The following ST18 variants were observed in gnomAD, a reference collection of about 807,000 sequenced individuals.
ST18 encodes ST18 C2H2C-type zinc finger transcription factor.
ST18 carries 50 observed loss-of-function variants against 110.0 expected under a neutral mutation model. That is an observed-to-expected ratio of 0.45 (90% CI 0.36 to 0.58). The LOEUF (loss-of-function observed/expected upper bound fraction) is 0.58. Among genes scored for constraint, ST18 ranks in the 20% least tolerant of loss-of-function variants. The pLI is 0.00. For missense variants in ST18, 1,306 were observed against 1,280.1 expected, an observed-to-expected ratio of 1.02 and a Z score of -0.31; for synonymous variants, 461 against 452.4, an observed-to-expected ratio of 1.02 and a Z score of -0.24.
At chr8:52,407,080 G>A (rs953813539) in intron 2 of ST18, 2 of 152,174 alleles carry the variant, frequency 1.3e-5, no homozygotes, top group Non-Finnish European at 2.9e-5. Context: ...AAGATATTTA[G>A]ATCCCCTAAA....
At chr8:52,196,953 G>A (rs928220833) in intron 8 of ST18, among the ~76,000 whole-genome samples, 1 of 152,194 alleles carries the variant, frequency 6.6e-6, no homozygotes, top group African/African-American at 2.4e-5. Context: ...CCAAGAAAAG[G>A]AGAAACAGTT....
chr8:52,165,606 G>A (rs919951626), intron 11 of ST18, among the ~76,000 whole-genome samples: 1 of 152,158 alleles, frequency 6.6e-6, no homozygotes, highest in East Asian at 1.9e-4. Flanking sequence ...GAAGTTCTGC[G>A]TATGGTCTTC....
chr8:52,113,954 GTTTTTTTTTTTTTTTTTTTTTTT>G (rs1158213340), intron 25 of ST18, among the ~76,000 whole-genome samples: 1 of 45,422 alleles, frequency 2.2e-5, no homozygotes, highest in African/African-American at 8.2e-5. Flanking sequence ...TTCATACCGT[GTTTTTTTTTTTTTTTTTTTTTTT>G]TTTTTTTTTG....
At chr8:52,126,540 A>C (rs1375033454) in intron 22 of ST18, among the ~76,000 whole-genome samples, 2 of 152,266 alleles carry the variant, frequency 1.3e-5, no homozygotes, top group Non-Finnish European at 2.9e-5. Flanking sequence ...TCCATGAGTA[A>C]TAAAGCAGAA....
At chr8:52,168,901 T>C (rs1587604041) in intron 10 of ST18, among the ~76,000 whole-genome samples, 1 of 151,824 alleles carries the variant, frequency 6.6e-6, no homozygotes, top group East Asian at 1.9e-4. Context: ...CATAGGAGAG[T>C]AAGTTAGAAA....
intron 2 of ST18, among the ~76,000 whole-genome samples, chr8:52,324,064 C>A (rs1264311944): frequency 6.6e-6 from 1 of 152,132 alleles, no homozygotes; most frequent in Non-Finnish European, 1.5e-5. Flanking sequence ...TTGGCTATGG[C>A]GAGAGAATGT....
At chr8:52,249,689 T>A (rs895449079) in intron 2 of ST18, among the ~76,000 whole-genome samples, 17 of 152,064 alleles carry the variant, frequency 1.1e-4, no homozygotes, top group South Asian at 6.2e-4. Context: ...ATAAAAAAAA[T>A]TAGAATACTG....
intron 2 of ST18, among the ~76,000 whole-genome samples, chr8:52,250,762 A>G (rs994081639): frequency 6.6e-6 from 1 of 152,076 alleles, no homozygotes; most frequent in African/African-American, 2.4e-5. Context: ...GGCCACCAAG[A>G]GATATTTACT....
At chr8:52,356,070 T>C (rs867340971) in intron 2 of ST18, among the ~76,000 whole-genome samples, 2 of 152,144 alleles carry the variant, frequency 1.3e-5, no homozygotes, top group African/African-American at 4.8e-5. Context: ...AAAGTTCCCA[T>C]GTACACAAGG....
rs533556858 is a variant in ST18 at position 52,351,000 on chromosome 8, G to A, written c.-465+58328C>T. On this transcript the variant is annotated intron_variant, in intron 2 of 25. Coordinates refer to ENST00000689386, the MANE Select transcript of ST18 (RefSeq NM_001352837.2). ...CTCCCAAAGTGCTGGGATTACAGGCGTGAGCCACCGTGCCTGGCCGTCTTT... is the reference window on the plus strand; with the variant it reads ...CTCCCAAAGTGCTGGGATTACAGGCATGAGCCACCGTGCCTGGCCGTCTTT... Among the ~76,000 whole-genome samples the A allele has an allele frequency of 3.0e-4, 45 of 152,244 alleles. No homozygotes were observed. The East Asian group carries it at 7.5e-3, about 25-fold the overall frequency.
chr8:52,288,706 A>T (rs969517142), intron 2 of ST18, among the ~76,000 whole-genome samples: 5 of 152,062 alleles, frequency 3.3e-5, no homozygotes, highest in African/African-American at 4.8e-5. Context: ...AAAATAAAAA[A>T]AAAAAAATAA....
intron 2 of ST18, among the ~76,000 whole-genome samples, chr8:52,360,205 C>T (rs189763055): frequency 1.0e-3 from 159 of 152,164 alleles, no homozygotes; most frequent in African/African-American, 3.7e-3. Flanking sequence ...ATATTGTACT[C>T]ATACCTACAT....
At chr8:52,210,352 A>G (rs372434579) in intron 8 of ST18, among the ~76,000 whole-genome samples, 12 of 152,306 alleles carry the variant, frequency 7.9e-5, no homozygotes, top group African/African-American at 2.6e-4. Context: ...TGTTCTTATC[A>G]AAATACTTTC....
intron 15 of ST18, among the ~76,000 whole-genome samples, chr8:52,156,744 C>T (rs925479299): frequency 6.6e-6 from 1 of 152,114 alleles, no homozygotes; most frequent in Admixed American, 6.6e-5. Context: ...TGTGCACGTG[C>T]GTGTGTGCAT....
At chr8:52,389,298 C>A (rs988568446) in intron 2 of ST18, among the ~76,000 whole-genome samples, 1 of 152,128 alleles carries the variant, frequency 6.6e-6, no homozygotes, top group Non-Finnish European at 1.5e-5. Context: ...GCAGGGAGCC[C>A]GGTGAGGAGG....
At chr8:52,276,102 GAAACACACACC>G (rs2095238813) in intron 2 of ST18, among the ~76,000 whole-genome samples, 1 of 16,978 alleles carries the variant, frequency 5.9e-5, no homozygotes, top group Non-Finnish European at 1.4e-4. Context: ...CCACACACAT[GAAACACACACC>G]GCACCTATCA....
At chr8:52,218,692 A>G (rs1165538647) in intron 5 of ST18, among the ~76,000 whole-genome samples, 1 of 150,920 alleles carries the variant, frequency 6.6e-6, no homozygotes, top group African/African-American at 2.4e-5. Flanking sequence ...GAGCCACTGC[A>G]CCCGGCTGCC....
intron 2 of ST18, among the ~76,000 whole-genome samples, chr8:52,321,933 T>C (rs1324724951): frequency 6.6e-6 from 1 of 152,176 alleles, no homozygotes; most frequent in Non-Finnish European, 1.5e-5. Flanking sequence ...CTCTATCACC[T>C]CCTAAATAAT....
At chr8:52,237,535 C>T (rs2092845568) in intron 2 of ST18, among the ~76,000 whole-genome samples, 1 of 152,140 alleles carries the variant, frequency 6.6e-6, no homozygotes. Context: ...AGGAGTAGCA[C>T]TGGGATTGGA....
Sources: allele counts gnomAD v4.1 joint callset (sites outside exome capture counted in the v4.1 genomes callset), GRCh38; gene constraint gnomAD v4.1.1; transcripts MANE v1.5; gene names NCBI Gene and HGNC (gene_info 2026-07-23, HGNC 2026-07-21).